The following PPFIBP2 variants were observed in gnomAD, a reference collection of about 807,000 sequenced individuals.
PPFIBP2 encodes liprin-beta-2.
In PPFIBP2, 118 loss-of-function variants were observed where a neutral mutation model predicts 118.3. The observed-to-expected ratio is 1.00, with a 90% CI of 0.86 to 1.16. The LOEUF is 1.16. Among genes scored for constraint, PPFIBP2 ranks in the 50% most tolerant of loss-of-function variants. The probability of loss-of-function intolerance (pLI) is 0.00; values close to 1 mark genes in which losing one functional copy is unlikely to be tolerated. For missense variants in PPFIBP2, 1,195 were observed against 1,073.1 expected, an observed-to-expected ratio of 1.11 and a Z score of -1.59; for synonymous variants, 414 against 397.4, an observed-to-expected ratio of 1.04 and a Z score of -0.50.
At chr11:7,515,084 A>G (rs1335140248) in intron 1 of PPFIBP2, among the ~76,000 whole-genome samples, 1 of 152,234 alleles carries the variant, frequency 6.6e-6, no homozygotes, top group Non-Finnish European at 1.5e-5. Context: ...CATCTTCAGC[A>G]TATTCAGTCT....
chr11:7,657,728 C>G (rs1039760322), downstream of PPFIBP2, among the ~76,000 whole-genome samples: 5 of 152,214 alleles, frequency 3.3e-5, no homozygotes, highest in African/African-American at 1.2e-4. Flanking sequence ...TCCTGTCTCT[C>G]AAGGCACGGC....
intron 1 of PPFIBP2, among the ~76,000 whole-genome samples, chr11:7,533,821 C>T (rs779222803): frequency 4.6e-5 from 7 of 152,106 alleles, no homozygotes; most frequent in South Asian, 2.1e-4. Flanking sequence ...AGGACTATAG[C>T]GGGGAAGGTT....
At chr11:7,549,052 G>A (rs1249637845) in intron 1 of PPFIBP2, among the ~76,000 whole-genome samples, 3 of 152,188 alleles carry the variant, frequency 2.0e-5, no homozygotes, top group Non-Finnish European at 4.4e-5. Flanking sequence ...TGCCTTGTAC[G>A]CCCTGACAGT....
chr11:7,665,773 T>C, the PPFIBP2 span: 1 of 1,437,876 alleles, frequency 7.0e-7, no homozygotes. Flanking sequence ...GAAGCCCTGC[T>C]GCTGTCTGTC....
intron 13 of PPFIBP2, 151 bp downstream of exon 13, chr11:7,634,703 A>G (rs1851225627): frequency 4.5e-6 from 3 of 670,164 alleles, no homozygotes; most frequent in Admixed American, 5.2e-5. Context: ...ATTTTGAGAA[A>G]ATTAACTGGG....
chr11:7,600,594 C>T (rs1048609030), intron 5 of PPFIBP2, among the ~76,000 whole-genome samples: 16 of 152,334 alleles, frequency 1.1e-4, no homozygotes, highest in African/African-American at 3.8e-4. Context: ...GAAACCATTC[C>T]TGCCTGGAGC....
In PPFIBP2 at chr11:7,573,082, G is replaced by A. The variant is rs371571152; in HGVS notation, c.279+7315G>A. On this transcript the variant is annotated intron_variant, in intron 3 of 23. Transcript: ENST00000299492. ...GGCATGAGCCACCATACCTGGCCTTGAGGAACTTTTGAAAGCGGTTTCCTA... is the reference window on the plus strand; with the variant it reads ...GGCATGAGCCACCATACCTGGCCTTAAGGAACTTTTGAAAGCGGTTTCCTA... 2.0e-5 allele frequency among the ~76,000 whole-genome samples: 3 copies of A among 152,182 alleles called. No individual in the cohort carries two copies. The South Asian group carries it at 6.2e-4, about 32-fold the overall frequency.
rs1462961484 is a variant in PPFIBP2 at position 7,549,459 on chromosome 11, G to C, written c.-17G>C. On this transcript the variant is annotated 5_prime_UTR_variant, in exon 2 of 24. Coordinates refer to ENST00000299492, the MANE Select transcript of PPFIBP2 (RefSeq NM_003621.5). The stretch of plus-strand genomic sequence containing the variant: ...TTTCAGTAAGAAGAGGAGGAGGCCA[G>C]GCAGGCAAAAGGAGTCATGGCTTCT... The C allele has an allele frequency of 6.4e-7, 1 of 1,555,938 alleles. No individual in the cohort carries two copies.
chr11:7,612,453 A>T (rs1373941187), intron 6 of PPFIBP2, among the ~76,000 whole-genome samples: 2 of 152,230 alleles, frequency 1.3e-5, no homozygotes, highest in Non-Finnish European at 1.5e-5. Flanking sequence ...GTGGAAGTAT[A>T]CAGAGTTAGC....
At chr11:7,666,832 C>T in the PPFIBP2 span, 4 of 295,146 alleles carry the variant, frequency 1.4e-5, no homozygotes, top group East Asian at 3.3e-4. Flanking sequence ...TAGCCAAGCG[C>T]TGGCCAGGAT....
chr11:7,541,253 C>G (rs908592726), intron 1 of PPFIBP2, among the ~76,000 whole-genome samples: 1 of 152,156 alleles, frequency 6.6e-6, no homozygotes, highest in African/African-American at 2.4e-5. Context: ...TGATTAACAG[C>G]AAAGTTTGAG....
At chr11:7,594,934 A>G (rs1046260046) in intron 4 of PPFIBP2, among the ~76,000 whole-genome samples, 4 of 151,608 alleles carry the variant, frequency 2.6e-5, no homozygotes, top group Admixed American at 6.6e-5. Flanking sequence ...AAAAAAAAAA[A>G]AAAGAAAAAG....
the PPFIBP2 span, chr11:7,665,271 T>C: frequency 1.9e-6 from 2 of 1,057,826 alleles, no homozygotes; most frequent in Non-Finnish European, 2.7e-6. Context: ...CGAAGGTACA[T>C]GGCAAGGCAC....
At chr11:7,622,389 G>A (rs1849455140) in intron 7 of PPFIBP2, among the ~76,000 whole-genome samples, 3 of 152,296 alleles carry the variant, frequency 2.0e-5, no homozygotes, top group Non-Finnish European at 1.5e-5. Flanking sequence ...TTCAACATGA[G>A]ATTTGGCAGG....
chr11:7,607,376 A>T (rs1207612185), intron 5 of PPFIBP2, among the ~76,000 whole-genome samples: 2 of 147,254 alleles, frequency 1.4e-5, no homozygotes, highest in Non-Finnish European at 3.0e-5. Context: ...ACGGGTGCTA[A>T]TTTTTTTTTT....
Position 7,559,939 on chromosome 11 carries a change from AAGAGTGTTATCTTTTTC to A in PPFIBP2, c.65-5611_65-5595del, listed in dbSNP as rs368627483. ...TCCATGTTAAAAAATAAAATAAAAT[AAGAGTGTTATCTTTTTC>A]AGCTTTTCTGTTTGTTCATTGTGGG... On this transcript the variant is annotated intron_variant, in intron 2 of 23. Coordinates refer to ENST00000299492, the MANE Select transcript of PPFIBP2 (RefSeq NM_003621.5). Among the ~76,000 whole-genome samples, 1,203 of 152,278 alleles carry A rather than the reference AAGAGTGTTATCTTTTTC, an allele frequency of 7.9e-3. 16 individuals carry two copies. The highest frequency in any genetic ancestry group is 0.027 in the African/African-American group (1,137 of 41,538).
At chr11:7,565,950 A>C (rs1250427467) in intron 3 of PPFIBP2, among the ~76,000 whole-genome samples, 183 bp downstream of exon 3, 1 of 152,098 alleles carries the variant, frequency 6.6e-6, no homozygotes, top group Non-Finnish European at 1.5e-5. Context: ...CAGTCAAGCG[A>C]CTTAAGCTAT....
At chr11:7,629,658 C>T in intron 10 of PPFIBP2, 124 bp downstream of exon 10, 1 of 928,200 alleles carries the variant, frequency 1.1e-6, no homozygotes, top group Non-Finnish European at 1.7e-6. Context: ...TACTGGAGAA[C>T]AGAGCTGTTT....
intron 2 of PPFIBP2, among the ~76,000 whole-genome samples, chr11:7,556,723 A>G (rs1853677911): frequency 6.6e-6 from 1 of 152,138 alleles, no homozygotes; most frequent in Non-Finnish European, 1.5e-5. Context: ...ATGTCCTTAA[A>G]TGTTCATAAT....
Sources: allele counts gnomAD v4.1 joint callset (sites outside exome capture counted in the v4.1 genomes callset), GRCh38; gene constraint gnomAD v4.1.1; transcripts MANE v1.5; gene names NCBI Gene and HGNC (gene_info 2026-07-23, HGNC 2026-07-21).